The following SESN2 variants were observed in gnomAD, a reference collection of about 807,000 sequenced individuals.
The protein encoded by SESN2 is sestrin-2.
A neutral mutation model predicts 56.0 loss-of-function variants in SESN2; 42 were observed. The observed-to-expected ratio is 0.75, with a 90% CI of 0.59 to 0.97. The LOEUF (loss-of-function observed/expected upper bound fraction) is 0.97. Among genes scored for constraint, SESN2 ranks in the 50% least tolerant of loss-of-function variants. The pLI, the probability that SESN2 is intolerant of heterozygous loss-of-function variation, is 0.00. For synonymous variants in SESN2, 264 were observed against 267.1 expected, an observed-to-expected ratio of 0.99 and a Z score of 0.11; for missense variants, 507 against 649.4, an observed-to-expected ratio of 0.78 and a Z score of 2.38.
At chr1:28,264,535 C>A (rs1383242023) in intron 1 of SESN2, among the ~76,000 whole-genome samples, 1 of 147,662 alleles carries the variant, frequency 6.8e-6, no homozygotes, top group East Asian at 1.9e-4. Context: ...TTATTTTGGA[C>A]AGGTGACCTG....
At chr1:28,273,984 T>C in intron 6 of SESN2, 56 bp from the exon 7 acceptor site, 1 of 1,143,576 alleles carries the variant, frequency 8.7e-7, no homozygotes, top group Non-Finnish European at 1.3e-6. Context: ...TAATCAGGAA[T>C]GGACCCCTGC....
At chr1:28,274,712 A>T in intron 7 of SESN2, 113 bp from the exon 8 acceptor site, 1 of 825,740 alleles carries the variant, frequency 1.2e-6, no homozygotes, top group Non-Finnish European at 2.0e-6. Flanking sequence ...GCAGCACGTT[A>T]GGTTTATGGC....
At chr1:28,260,340 C>CCCCTTCCGCGGAGT (rs1647330355) in intron 1 of SESN2, among the ~76,000 whole-genome samples, 1 of 152,148 alleles carries the variant, frequency 6.6e-6, no homozygotes, top group Non-Finnish European at 1.5e-5. Flanking sequence ...TCCTCCCCGC[C>CCCCTTCCGCGGAGT]CCCTTCCGCG....
chr1:28,273,969 G>A, intron 6 of SESN2, 71 bp from the exon 7 acceptor site: 3 of 1,013,934 alleles, frequency 3.0e-6, no homozygotes, highest in Non-Finnish European at 3.1e-6. Flanking sequence ...CCCCCTTTTG[G>A]TGATTAATCA....
chr1:28,262,515 C>T (rs1307139715), intron 1 of SESN2, among the ~76,000 whole-genome samples: 7 of 147,404 alleles, frequency 4.7e-5, no homozygotes, highest in East Asian at 2.0e-4. Flanking sequence ...CCAGCTACTT[C>T]GAAGGCTGAG....
At position 28,280,522 on chromosome 1, in the gene SESN2, A is replaced by G. The variant is rs543510554; in HGVS notation, c.1357-194A>G. 8.5e-5 allele frequency among the ~76,000 whole-genome samples: 13 copies of G among 152,368 alleles called. No homozygotes were observed. In the South Asian group the frequency reaches 2.7e-3, roughly 32 times the overall value. ...CACCTGGCCATTTTACCTTTAGGGA[A>G]TACAGAGCTTAGTCATGATAGGAAT... On this transcript the variant is annotated intron_variant, in intron 9 of 9. Transcript: ENST00000253063.
chr1:28,265,763 G>A (rs939932611), intron 1 of SESN2, among the ~76,000 whole-genome samples: 8 of 152,070 alleles, frequency 5.3e-5, no homozygotes, highest in Non-Finnish European at 8.8e-5. Context: ...AGCCTCAGGT[G>A]ATCCTCCACC....
intron 1 of SESN2, among the ~76,000 whole-genome samples, chr1:28,266,714 C>T: frequency 6.6e-6 from 1 of 152,092 alleles, no homozygotes; most frequent in East Asian, 1.9e-4. Context: ...TTGTGTGCTA[C>T]CATGCCCAGC....
intron 8 of SESN2, among the ~76,000 whole-genome samples, chr1:28,278,596 A>C (rs141163399): frequency 3.8e-4 from 58 of 152,346 alleles, no homozygotes; most frequent in Middle Eastern, 3.4e-3. Context: ...ACTGAAATTA[A>C]TGTAAAAAAA....
In SESN2 at chr1:28,272,718, C is replaced by T; in HGVS notation, c.675C>T (p.Ser225=). 6.2e-7 allele frequency: 1 copy of T among 1,612,042 alleles called. No homozygotes were observed. The highest frequency in any genetic ancestry group is 1.3e-5 in the African/African-American group (1 of 74,994). Residue 225 remains serine (S), a synonymous_variant, in exon 5 of 10, where the codon AGC becomes AGT. Coordinates refer to ENST00000253063, the MANE Select transcript of SESN2 (RefSeq NM_031459.5). ...GILPEGDADG[S]PAPQAPTPPS... is the part of the protein sequence containing the mutation. The stretch of plus-strand genomic sequence containing the variant: ...TCCCTGAGGGGGATGCAGATGGCAG[C>T]CCTGCCCCCCAGGCACCTACACCCC...
At chr1:28,275,779 C>T (rs972647757) in intron 8 of SESN2, among the ~76,000 whole-genome samples, 3 of 151,282 alleles carry the variant, frequency 2.0e-5, no homozygotes, top group African/African-American at 7.3e-5. Context: ...AGAGGCCAGG[C>T]GCGGTGGCTC....
At chr1:28,274,291 G>T in intron 7 of SESN2, 133 bp downstream of exon 7, 2 of 669,094 alleles carry the variant, frequency 3.0e-6, no homozygotes, top group Non-Finnish European at 2.7e-6. Context: ...CAGCACTTTG[G>T]GAAGCCAAGG....
chr1:28,265,594 C>T (rs919136709), intron 1 of SESN2, among the ~76,000 whole-genome samples: 8 of 152,100 alleles, frequency 5.3e-5, no homozygotes, highest in African/African-American at 1.9e-4. Context: ...GGGGTTTCTC[C>T]ATGTTGGTCA....
chr1:28,259,546 G>GGA lies in SESN2; in HGVS notation c.-300_-299dup. ...GGCAGTTCCGCGGCGGGGATGCTGA[G>GGA]GAGCGCTGGGTCCGGGAGCAGCCCT... On this transcript the variant is annotated 5_prime_UTR_variant, in exon 1 of 10. The change abolishes the stop of an existing upstream ORF in the 5' untranslated region. Coordinates refer to ENST00000253063, the MANE Select transcript of SESN2 (RefSeq NM_031459.5). 3.1e-6 allele frequency: 1 copy of GGA among 320,000 alleles called. No homozygotes were observed. The highest frequency in any genetic ancestry group is 5.7e-6 in the Non-Finnish European group (1 of 175,918). 19.8% of individuals were successfully genotyped at this position (320,000 alleles called of 1,614,324 possible). A position where few individuals can be genotyped will look rare whatever the true frequency, so the allele number is the denominator to read the frequency against.
In SESN2 at chr1:28,271,562, C is replaced by T. The variant is rs752722584; in HGVS notation, c.157-112C>T. On this transcript the variant is annotated intron_variant, in intron 2 of 9. Coordinates refer to ENST00000253063, the MANE Select transcript of SESN2 (RefSeq NM_031459.5). The stretch of plus-strand genomic sequence containing the variant: ...CCTCCCCATTCTTTCTTTTTGGACA[C>T]GGTGGTGGTTTTTAGTTTCTTGCCA... 302 of 727,714 alleles carry T rather than the reference C, an allele frequency of 4.1e-4. 1 individual carries two copies. The Middle Eastern group carries it at 4.7e-3, about 11-fold the overall frequency. 45.1% of individuals were successfully genotyped at this position (727,714 alleles called of 1,614,324 possible).
chr1:28,260,063 AC>A (rs1477459200), intron 1 of SESN2, 126 bp downstream of exon 1: 1 of 657,390 alleles, frequency 1.5e-6, no homozygotes. Flanking sequence ...GTAACCCGGG[AC>A]CCGGGTTGCA....
chr1:28,261,452 C>G (rs888727952), intron 1 of SESN2, among the ~76,000 whole-genome samples: 21 of 152,160 alleles, frequency 1.4e-4, no homozygotes, highest in Non-Finnish European at 2.9e-4. Context: ...GTGGTTTCTT[C>G]CCATGGGGAT....
intron 1 of SESN2, among the ~76,000 whole-genome samples, chr1:28,263,286 G>A (rs1352400888): frequency 1.3e-5 from 2 of 152,168 alleles, no homozygotes; most frequent in Non-Finnish European, 2.9e-5. Flanking sequence ...TTCCCTCTGG[G>A]TGGTTGGGAG....
intron 1 of SESN2, among the ~76,000 whole-genome samples, chr1:28,263,862 T>C (rs945396383): frequency 4.2e-4 from 64 of 152,062 alleles, no homozygotes; most frequent in African/African-American, 1.5e-3. Flanking sequence ...CCAAAACAGA[T>C]GAAAATTAGA....
Sources: allele counts gnomAD v4.1 joint callset (sites outside exome capture counted in the v4.1 genomes callset), GRCh38; gene constraint gnomAD v4.1.1; transcripts MANE v1.5; gene names NCBI Gene and HGNC (gene_info 2026-07-23, HGNC 2026-07-21).